The following PGPEP1L variants were observed in gnomAD, a reference collection of about 807,000 sequenced individuals.
The protein encoded by PGPEP1L is pyroglutamyl-peptidase I like.
In PGPEP1L, 7 loss-of-function variants were observed where a neutral mutation model predicts 6.0. The ratio of observed to expected loss-of-function variants is 1.17; its 90% CI spans 0.66 to 2.19. PGPEP1L has a LOEUF of 2.19. Among genes scored for constraint, PGPEP1L ranks in the 30% most tolerant of loss-of-function variants. PGPEP1L has a pLI of 0.00. For synonymous variants in PGPEP1L, 103 were observed against 83.9 expected, an observed-to-expected ratio of 1.23 and a Z score of -1.24; for missense variants, 209 against 192.5, an observed-to-expected ratio of 1.09 and a Z score of -0.51.
intron 2 of PGPEP1L, among the ~76,000 whole-genome samples, chr15:98,989,620 AAT>A (rs1405395125): frequency 6.6e-6 from 1 of 152,212 alleles, no homozygotes; most frequent in Non-Finnish European, 1.5e-5. Flanking sequence ...AAATTCAGAA[AAT>A]ATAGAGAACA....
At chr15:98,978,726 A>ATATTTT (rs1446348988) in intron 2 of PGPEP1L, among the ~76,000 whole-genome samples, 4 of 85,234 alleles carry the variant, frequency 4.7e-5, no homozygotes, top group African/African-American at 2.0e-4. Context: ...ATATATATAT[A>ATATTTT]TTTTTTTTTT....
In PGPEP1L at chr15:98,977,375, T is replaced by C. The variant is rs117419766; in HGVS notation, c.-141-6217A>G. Among the ~76,000 whole-genome samples the C allele has an allele frequency of 6.0e-4, 91 of 152,376 alleles. 1 individual carries two copies. The East Asian group carries it at 0.016, about 26-fold the overall frequency. ...TATTGTTTAGTGCCATAAATTTCCC[T>C]CTGATATGTTTTAATTTTCATTCAT... On this transcript the variant is annotated intron_variant, in intron 2 of 4. Transcript: ENST00000535714.
At chr15:99,005,759 G>A (rs2018047575) in intron 1 of PGPEP1L, 103 bp from the exon 2 acceptor site, 2 of 152,504 alleles carry the variant, frequency 1.3e-5, no homozygotes, top group South Asian at 2.1e-4. Flanking sequence ...TTGAGTCTGG[G>A]TCACTTTGTT....
At position 99,005,819 on chromosome 15, in the gene PGPEP1L, G is replaced by A. The variant is rs539373828; in HGVS notation, c.-369-163C>T. ...TAAGGGTTTGGCTACCAGCTGTCCC[G>A]GTTTGCCTGGGACAGAAGGATGTCT... On this transcript the variant is annotated intron_variant, in intron 1 of 4. Transcript: ENST00000535714. Among the ~76,000 whole-genome samples, 39 of 152,288 alleles carry A rather than the reference G, an allele frequency of 2.6e-4. 1 individual carries two copies. In the South Asian group the frequency reaches 7.5e-3, roughly 29 times the overall value.
At chr15:98,972,213 TGTG>T (rs2151754372) in intron 2 of PGPEP1L, among the ~76,000 whole-genome samples, 1 of 151,988 alleles carries the variant, frequency 6.6e-6, no homozygotes, top group East Asian at 1.9e-4. Context: ...ATTAGCCAGA[TGTG>T]GTGGCAAATG....
At chr15:98,999,641 A>G (rs1803239348) in intron 2 of PGPEP1L, among the ~76,000 whole-genome samples, 1 of 152,234 alleles carries the variant, frequency 6.6e-6, no homozygotes, top group African/African-American at 2.4e-5. Flanking sequence ...TAGAAGCTTT[A>G]TTTGTAATAG....
intron 2 of PGPEP1L, among the ~76,000 whole-genome samples, chr15:98,981,983 GATC>G (rs756855228): frequency 6.6e-6 from 1 of 152,316 alleles, no homozygotes; most frequent in South Asian, 2.1e-4. Context: ...CATTCTGAAA[GATC>G]ATCTTGGTCT....
chr15:98,969,237 G>A (rs2017452238), intron 4 of PGPEP1L, among the ~76,000 whole-genome samples, 188 bp downstream of exon 4: 1 of 152,126 alleles, frequency 6.6e-6, no homozygotes, highest in East Asian at 1.9e-4. Flanking sequence ...TCTCACAAAC[G>A]AGACCTCAGG....
chr15:98,986,400 G>A (rs782044187), intron 2 of PGPEP1L, among the ~76,000 whole-genome samples: 20 of 152,172 alleles, frequency 1.3e-4, no homozygotes, highest in Non-Finnish European at 2.6e-4. Context: ...TCTACATAAG[G>A]AATCTCCAAT....
At chr15:99,006,158 G>C (rs537080046) in intron 1 of PGPEP1L, among the ~76,000 whole-genome samples, 7 of 152,314 alleles carry the variant, frequency 4.6e-5, no homozygotes, top group Non-Finnish European at 8.8e-5. Flanking sequence ...CTGTGCTCAG[G>C]TTTCCTGTTT....
At chr15:98,974,558 C>T (rs1362895887) in intron 2 of PGPEP1L, among the ~76,000 whole-genome samples, 2 of 152,066 alleles carry the variant, frequency 1.3e-5, no homozygotes, top group African/African-American at 4.8e-5. Flanking sequence ...TGAATTCTAC[C>T]AAACACTTAA....
At chr15:98,979,743 G>C (rs1199531867) in intron 2 of PGPEP1L, among the ~76,000 whole-genome samples, 1 of 138,786 alleles carries the variant, frequency 7.2e-6, no homozygotes, top group East Asian at 2.3e-4. Context: ...TCTGCCTCCC[G>C]GGTTCAAGCG....
rs575623029 is a variant in PGPEP1L, at chr15:98,982,632, G to T, written c.-141-11474C>A. ...CTGAGCTGGGGGCTATCATAGGTGA[G>T]GTCTGTGTAAACTAGAGAGATGTCT... On this transcript the variant is annotated intron_variant, in intron 2 of 4. Transcript: ENST00000535714. Among the ~76,000 whole-genome samples, 6 of 150,392 alleles carry T rather than the reference G, an allele frequency of 4.0e-5. No individual in the cohort carries two copies. The South Asian group carries it at 1.3e-3, about 32-fold the overall frequency.
rs548113149 is a variant in PGPEP1L at position 99,005,424 on chromosome 15, C to T, written c.-142+5G>A. On this transcript the variant is annotated splice_donor_5th_base_variant and intron_variant, in intron 2 of 4. Transcript: ENST00000535714. ...ATAGGAGAGAAAAAAATTATGTAGT[C>T]TTACCAGTCACCACCACGCAGCTGG... 14 of 152,732 alleles carry T rather than the reference C, an allele frequency of 9.2e-5. No homozygotes were observed. Among genetic ancestry groups the T allele is most frequent in the East Asian group, 5.8e-4 (3 of 5,190 alleles). The allele number at this position is 152,732 out of a possible 1,614,324, so 9.5% of individuals were successfully genotyped here.
intron 2 of PGPEP1L, among the ~76,000 whole-genome samples, chr15:98,992,453 C>T (rs2017832686): frequency 6.6e-6 from 1 of 152,040 alleles, no homozygotes; most frequent in African/African-American, 2.4e-5. Context: ...TGAGAGGACA[C>T]AAACAAATGG....
Position 98,971,305 on chromosome 15 carries a change from G to A in PGPEP1L, c.-141-147C>T, listed in dbSNP as rs542214140. On this transcript the variant is annotated intron_variant, in intron 2 of 4. Transcript: ENST00000535714. ...TTGCCCTCAAGGAGCTCACAAAGTGGCAAGGGGCCAAGAAGAGAGCCACAG... is the reference window on the plus strand; with the variant it reads ...TTGCCCTCAAGGAGCTCACAAAGTGACAAGGGGCCAAGAAGAGAGCCACAG... 6.9e-6 allele frequency: 8 copies of A among 1,159,332 alleles called. No individual in the cohort carries two copies. The East Asian group carries it at 1.0e-4, about 15-fold the overall frequency. The allele number at this position is 1,159,332 out of a possible 1,614,324, so 71.8% of individuals were successfully genotyped here.
chr15:98,971,139 A>G lies in PGPEP1L; in HGVS notation c.-122T>C. The G allele has an allele frequency of 6.6e-7, 1 of 1,509,590 alleles. No homozygotes were observed. 93.5% of individuals were successfully genotyped at this position (1,509,590 alleles called of 1,614,324 possible). The stretch of plus-strand genomic sequence containing the variant: ...CAGCTGCACCACTGTTTCATTCCCC[A>G]GGCCCAGCTTGGAGAGCTCCTGAGG... On this transcript the variant is annotated 5_prime_UTR_variant, in exon 3 of 5. Transcript: ENST00000535714.
intron 2 of PGPEP1L, among the ~76,000 whole-genome samples, chr15:98,972,665 A>T (rs1306713940): frequency 6.6e-6 from 1 of 151,874 alleles, no homozygotes; most frequent in East Asian, 1.9e-4. Context: ...TCAGGAGATC[A>T]AGACCATCCT....
At chr15:98,995,957 T>C (rs548598088) in intron 2 of PGPEP1L, among the ~76,000 whole-genome samples, 2 of 152,332 alleles carry the variant, frequency 1.3e-5, no homozygotes, top group East Asian at 3.9e-4. Context: ...GCCTTTCATT[T>C]ACCGTAATTC....
Sources: allele counts gnomAD v4.1 joint callset (sites outside exome capture counted in the v4.1 genomes callset), GRCh38; gene constraint gnomAD v4.1.1; transcripts MANE v1.5; gene names NCBI Gene and HGNC (gene_info 2026-07-23, HGNC 2026-07-21).